Variants in TMC1 observed in about 807,000 individuals in gnomAD.
TMC1 encodes transmembrane channel-like protein 1.
In TMC1, 84 loss-of-function variants were observed where a neutral mutation model predicts 105.8. The ratio of observed to expected loss-of-function variants is 0.79; its 90% CI spans 0.67 to 0.95. TMC1 has a LOEUF of 0.95. Among genes scored for constraint, TMC1 ranks in the 40% least tolerant of loss-of-function variants. The pLI is 0.00. For missense variants in TMC1, 817 were observed against 914.1 expected (o/e 0.89, Z 1.37); for synonymous variants, 315 against 311.5 (o/e 1.01, Z -0.12).
chr9:72,535,521 AG>A (rs1823568746), intron 1 of TMC1, among the ~76,000 whole-genome samples: 1 of 152,224 alleles, frequency 6.6e-6, no homozygotes, highest in African/African-American at 2.4e-5. Flanking sequence ...TTCCTCCTCA[AG>A]AACTTTCAGT....
chr9:72,664,768 A>G (rs1421481554), intron 5 of TMC1, among the ~76,000 whole-genome samples: 2 of 152,230 alleles, frequency 1.3e-5, no homozygotes, highest in East Asian at 3.9e-4. Flanking sequence ...CACATTCACC[A>G]TCCTTCAAGT....
chr9:72,637,762 A>C (rs1825558915), intron 4 of TMC1, among the ~76,000 whole-genome samples: 1 of 152,178 alleles, frequency 6.6e-6, no homozygotes, highest in Non-Finnish European at 1.5e-5. Context: ...GAATCCTAGA[A>C]AGTCAATGGC....
chr9:72,711,767 G>C (rs1169476842), intron 8 of TMC1, among the ~76,000 whole-genome samples: 1 of 152,162 alleles, frequency 6.6e-6, no homozygotes, highest in Non-Finnish European at 1.5e-5. Flanking sequence ...AAGCTCTTCA[G>C]TGTAATTAGA....
intron 17 of TMC1, among the ~76,000 whole-genome samples, chr9:72,796,391 G>A (rs1280827524): frequency 6.6e-6 from 1 of 152,136 alleles, no homozygotes; most frequent in African/African-American, 2.4e-5. Flanking sequence ...GTATCATTCT[G>A]CTACCAAAAC....
At chr9:72,639,201 C>T (rs1169937625) in intron 4 of TMC1, among the ~76,000 whole-genome samples, 2 of 151,996 alleles carry the variant, frequency 1.3e-5, no homozygotes, top group African/African-American at 2.4e-5. Flanking sequence ...GGCCGAGAAG[C>T]GATGCTGGTG....
chr9:72,740,388 T>C (rs1827368448), intron 9 of TMC1, among the ~76,000 whole-genome samples, 179 bp downstream of exon 9: 1 of 152,178 alleles, frequency 6.6e-6, no homozygotes, highest in African/African-American at 2.4e-5. Context: ...AAAAAATTGT[T>C]CTTAGAAGAG....
intron 5 of TMC1, among the ~76,000 whole-genome samples, chr9:72,660,612 T>C (rs1468153286): frequency 6.6e-6 from 1 of 152,214 alleles, no homozygotes; most frequent in Non-Finnish European, 1.5e-5. Context: ...AATAACCTTC[T>C]ACTGAATTAG....
At chr9:72,812,742 T>C (rs1305519889) in intron 18 of TMC1, among the ~76,000 whole-genome samples, 4 of 152,230 alleles carry the variant, frequency 2.6e-5, no homozygotes, top group Admixed American at 1.3e-4. Flanking sequence ...ATTCCAGCTG[T>C]GAGAAATGGG....
chr9:72,743,533 C>T (rs58727361), intron 10 of TMC1, among the ~76,000 whole-genome samples: 315 of 147,394 alleles, frequency 2.1e-3, no homozygotes, highest in African/African-American at 7.7e-3. Flanking sequence ...CACTACTGCA[C>T]TCCAACCTGG....
Position 72,628,519 on chromosome 9 carries a change from T to C in TMC1, c.-53+456T>C, listed in dbSNP as rs555207914. On this transcript the variant is annotated intron_variant, in intron 4 of 23. Coordinates refer to ENST00000297784, the MANE Select transcript of TMC1 (RefSeq NM_138691.3). The stretch of plus-strand genomic sequence containing the variant: ...CACTTGCATGTGTGTGGGCACACCC[T>C]TGTGCCAAATGGACCACCAGTTTAA... Among the ~76,000 whole-genome samples the C allele has an allele frequency of 3.3e-5, 5 of 152,328 alleles. No homozygotes were observed. In the South Asian group the frequency reaches 1.0e-3, roughly 32 times the overall value.
In TMC1 at chr9:72,805,579, G is replaced by T. The variant is rs900121213; in HGVS notation, c.1695+69G>T. On this transcript the variant is annotated intron_variant, in intron 18 of 23. Coordinates refer to ENST00000297784, the MANE Select transcript of TMC1 (RefSeq NM_138691.3). ...TTTATTTTTTATTGATAATTCTTGG[G>T]TGTTTCTCACAGAGGGGGATTTGGC... 2.1e-5 allele frequency: 29 copies of T among 1,409,632 alleles called. No homozygotes were observed. In the African/African-American group the frequency reaches 3.9e-4, roughly 19 times the overall value. The allele number at this position is 1,409,632 out of a possible 1,614,324, so 87.3% of individuals were successfully genotyped here. A position where few individuals can be genotyped will look rare whatever the true frequency, so the allele number is the denominator to read the frequency against.
intron 23 of TMC1, among the ~76,000 whole-genome samples, chr9:72,831,533 A>G (rs1279910062): frequency 5.9e-5 from 9 of 152,040 alleles, no homozygotes; most frequent in Non-Finnish European, 1.5e-5. Flanking sequence ...GGTGTGCTGC[A>G]CCCATTAACT....
intron 19 of TMC1, among the ~76,000 whole-genome samples, chr9:72,818,178 C>G (rs1471309266): frequency 3.3e-5 from 5 of 152,116 alleles, no homozygotes; most frequent in Non-Finnish European, 5.9e-5. Flanking sequence ...TGAGCTTAAC[C>G]ATTTTCTACA....
intron 2 of TMC1, among the ~76,000 whole-genome samples, chr9:72,609,852 G>A (rs1325704988): frequency 6.6e-6 from 1 of 151,402 alleles, no homozygotes; most frequent in African/African-American, 2.4e-5. Context: ...CTGCCCACCT[G>A]GCAACCCTCT....
At chr9:72,613,870 T>C (rs1189822940) in intron 2 of TMC1, among the ~76,000 whole-genome samples, 1 of 152,096 alleles carries the variant, frequency 6.6e-6, no homozygotes, top group Non-Finnish European at 1.5e-5. Context: ...GGATGACAGC[T>C]GGGAAAATTA....
chr9:72,730,785 G>C (rs530966423), intron 8 of TMC1, among the ~76,000 whole-genome samples: 1 of 152,206 alleles, frequency 6.6e-6, no homozygotes, highest in South Asian at 2.1e-4. Flanking sequence ...CCATCTGGGG[G>C]TGATGGGACA....
intron 20 of TMC1, among the ~76,000 whole-genome samples, chr9:72,821,622 C>T (rs1473390762): frequency 6.6e-6 from 1 of 152,076 alleles, no homozygotes; most frequent in Non-Finnish European, 1.5e-5. Context: ...AGAGAAAATA[C>T]TTTATACTTT....
chr9:72,826,793 T>C, intron 20 of TMC1, 76 bp from the exon 21 acceptor site: 1 of 1,497,510 alleles, frequency 6.7e-7, no homozygotes, highest in Non-Finnish European at 9.3e-7. Context: ...GAGAAAGATT[T>C]CCAGTTTTCT....
chr9:72,658,081 T>C (rs1261362781), intron 5 of TMC1, among the ~76,000 whole-genome samples: 1 of 152,194 alleles, frequency 6.6e-6, no homozygotes, highest in African/African-American at 2.4e-5. Flanking sequence ...CTGTGTACTT[T>C]TAATTTTAAT....
Sources: gnomAD v4.1 joint callset for allele counts (sites outside exome capture counted in the v4.1 genomes callset) on GRCh38, gnomAD v4.1.1 for gene constraint, MANE v1.5 for transcripts, NCBI Gene and HGNC (gene_info 2026-07-23, HGNC 2026-07-21) for gene names.